Variants in OTUD7A observed in about 807,000 individuals in gnomAD.
OTUD7A encodes OTU deubiquitinase 7A.
A neutral mutation model predicts 65.7 loss-of-function variants in OTUD7A; 12 were observed. The observed-to-expected ratio is 0.18, with a 90% CI of 0.12 to 0.30. The LOEUF (loss-of-function observed/expected upper bound fraction) is 0.30, where lower values mean the gene tolerates loss of function less well. Ranked by LOEUF, OTUD7A falls within the 10% of genes least tolerant of loss-of-function variation. The pLI is 1.00. For missense variants in OTUD7A, 1,148 were observed against 1,304.8 expected (o/e 0.88, Z 1.85); for synonymous variants, 641 against 586.3 (o/e 1.09, Z -1.35).
intron 1 of OTUD7A, among the ~76,000 whole-genome samples, chr15:31,756,087 C>T (rs1012185160): frequency 6.6e-6 from 1 of 152,218 alleles, no homozygotes; most frequent in African/African-American, 2.4e-5. Flanking sequence ...CCAGTCTTGC[C>T]CCACTGGCCA....
chr15:31,622,576 TTCG>T (rs1467496620), intron 3 of OTUD7A, among the ~76,000 whole-genome samples: 1 of 152,262 alleles, frequency 6.6e-6, no homozygotes, highest in Admixed American at 6.5e-5. Context: ...AGCTTGTGCA[TTCG>T]TCGCGTAGTT....
chr15:31,806,222 C>T (rs1414017319), intron 1 of OTUD7A, among the ~76,000 whole-genome samples: 1 of 152,188 alleles, frequency 6.6e-6, no homozygotes, highest in Non-Finnish European at 1.5e-5. Context: ...TTTTCTGGGT[C>T]TCATTCAATG....
chr15:31,575,126 A>G (rs1254916790), intron 3 of OTUD7A, among the ~76,000 whole-genome samples: 1 of 152,226 alleles, frequency 6.6e-6, no homozygotes, highest in Non-Finnish European at 1.5e-5. Context: ...AAGTTAAATT[A>G]TAAGGGAGAA....
intron 1 of OTUD7A, among the ~76,000 whole-genome samples, chr15:31,796,954 G>A (rs1895977782): frequency 6.6e-6 from 1 of 152,186 alleles, no homozygotes; most frequent in African/African-American, 2.4e-5. Flanking sequence ...GGCTGGTTTC[G>A]AACTCCTGAC....
chr15:31,483,927 C>G lies in OTUD7A; in HGVS notation c.2169G>C (p.Gln723His), dbSNP rs748164047. ...PERASPGPPT[Q>H]LVLKLKERPS... is the part of the protein sequence containing the mutation. Reference sequence around the variant, plus strand: ...GCCGCTCCTTGAGCTTGAGCACCAGCTGCGTGGGTGGGCCCGGAGAGGCGC... The same window carrying G: ...GCCGCTCCTTGAGCTTGAGCACCAGGTGCGTGGGTGGGCCCGGAGAGGCGC... The change falls in exon 13 of 13, where the codon CAG becomes CAC. Residue 723 changes from glutamine to histidine, a missense_variant. Gln to His is a conservative substitution (Grantham distance 24). This residue lies in a region of OTUD7A where 842 missense variants were observed against 769.5 expected (regional missense o/e 1.09). Transcript: ENST00000307050. The G allele has an allele frequency of 2.7e-5, 29 of 1,089,050 alleles. 2 individuals are homozygous for G. The South Asian group carries it at 6.3e-4, about 24-fold the overall frequency. The allele number at this position is 1,089,050 out of a possible 1,614,324, so 67.5% of individuals were successfully genotyped here. A position where few individuals can be genotyped will look rare whatever the true frequency, so the allele number is the denominator to read the frequency against.
intron 1 of OTUD7A, among the ~76,000 whole-genome samples, chr15:31,700,338 T>C (rs956988535): frequency 3.3e-5 from 5 of 152,070 alleles, no homozygotes; most frequent in African/African-American, 1.2e-4. Context: ...TTGTTCTCTT[T>C]TCCACCCTTT....
chr15:31,833,156 C>T (rs915136548), intron 1 of OTUD7A, among the ~76,000 whole-genome samples: 1 of 152,220 alleles, frequency 6.6e-6, no homozygotes, highest in African/African-American at 2.4e-5. Flanking sequence ...CAAGCCTATG[C>T]TCCTTTCCCA....
intron 1 of OTUD7A, among the ~76,000 whole-genome samples, chr15:31,741,402 C>T (rs1159601354): frequency 6.6e-6 from 1 of 151,968 alleles, no homozygotes. Context: ...CATAGGCATA[C>T]ATGTGCCATG....
intron 4 of OTUD7A, among the ~76,000 whole-genome samples, chr15:31,568,529 A>G (rs1340136154): frequency 6.6e-6 from 1 of 152,224 alleles, no homozygotes; most frequent in African/African-American, 2.4e-5. Flanking sequence ...GAACAAGTCA[A>G]GACTTTGAGG....
chr15:31,516,508 T>C (rs1236227545), intron 8 of OTUD7A, among the ~76,000 whole-genome samples: 1 of 152,134 alleles, frequency 6.6e-6, no homozygotes, highest in African/African-American at 2.4e-5. Context: ...CCTGGTTCTA[T>C]ACCAGGAGCC....
intron 5 of OTUD7A, among the ~76,000 whole-genome samples, chr15:31,539,982 T>C (rs1050361946): frequency 1.3e-5 from 2 of 152,194 alleles, no homozygotes; most frequent in African/African-American, 4.8e-5. Flanking sequence ...AATTAACTCA[T>C]TTGTCTCGAT....
At chr15:31,703,083 C>T (rs1478477145) in intron 1 of OTUD7A, among the ~76,000 whole-genome samples, 1 of 151,992 alleles carries the variant, frequency 6.6e-6, no homozygotes, top group Non-Finnish European at 1.5e-5. Flanking sequence ...AAGTCTCATA[C>T]CTTGTATACA....
At chr15:31,675,757 C>T (rs986450675) in intron 1 of OTUD7A, among the ~76,000 whole-genome samples, 3 of 152,150 alleles carry the variant, frequency 2.0e-5, no homozygotes, top group East Asian at 3.9e-4. Context: ...AAAAACAACA[C>T]AAAAAGATCT....
chr15:31,567,343 G>A (rs1888908031), intron 4 of OTUD7A, among the ~76,000 whole-genome samples: 1 of 152,230 alleles, frequency 6.6e-6, no homozygotes, highest in African/African-American at 2.4e-5. Flanking sequence ...TTTAGGGTAT[G>A]TGGTAGAAGA....
chr15:31,749,736 T>C (rs1406336921), intron 1 of OTUD7A, among the ~76,000 whole-genome samples: 2 of 151,880 alleles, frequency 1.3e-5, no homozygotes, highest in African/African-American at 2.4e-5. Flanking sequence ...AAATAAAAGG[T>C]GTACAATTTT....
chr15:31,507,213 T>C (rs1048441778), intron 8 of OTUD7A, among the ~76,000 whole-genome samples: 2 of 152,202 alleles, frequency 1.3e-5, no homozygotes, highest in African/African-American at 4.8e-5. Context: ...TAAAAATTTA[T>C]GTCAAATTTC....
intron 1 of OTUD7A, among the ~76,000 whole-genome samples, chr15:31,733,076 C>G (rs1298730317): frequency 6.6e-6 from 1 of 152,214 alleles, no homozygotes; most frequent in Non-Finnish European, 1.5e-5. Flanking sequence ...ACAGTGGGCT[C>G]TGGAGCCCGA....
chr15:31,515,037 T>C (rs1020869805), intron 8 of OTUD7A, among the ~76,000 whole-genome samples: 12 of 152,108 alleles, frequency 7.9e-5, no homozygotes, highest in Non-Finnish European at 1.6e-4. Flanking sequence ...TGTCACCTAG[T>C]ATGCGTTGAG....
intron 1 of OTUD7A, among the ~76,000 whole-genome samples, chr15:31,850,286 C>T (rs1004036778): frequency 1.3e-5 from 2 of 152,126 alleles, no homozygotes; most frequent in Non-Finnish European, 2.9e-5. Context: ...TGGAAACCAT[C>T]ATTCTGAGCA....
Sources: allele counts gnomAD v4.1 joint callset (sites outside exome capture counted in the v4.1 genomes callset), GRCh38; gene constraint gnomAD v4.1.1; regional missense constraint gnomAD v4.1.1; transcripts MANE v1.5; gene names NCBI Gene and HGNC (gene_info 2026-07-23, HGNC 2026-07-21).